The following CRY2 variants were observed in gnomAD, a reference collection of about 807,000 sequenced individuals.
The protein encoded by CRY2 is cryptochrome-2.
A neutral mutation model predicts 69.5 loss-of-function variants in CRY2; 31 were observed. That is an observed-to-expected ratio of 0.45 (90% CI 0.34 to 0.60). The LOEUF is 0.60. Among genes scored for constraint, CRY2 ranks in the 20% least tolerant of loss-of-function variants. The pLI, the probability that CRY2 is intolerant of heterozygous loss-of-function variation, is 0.02. For missense variants in CRY2, 606 were observed against 797.8 expected, an observed-to-expected ratio of 0.76 and a Z score of 2.90; for synonymous variants, 303 against 312.2, an observed-to-expected ratio of 0.97 and a Z score of 0.31.
chr11:45,860,788 G>C, intron 3 of CRY2, 60 bp from the exon 4 acceptor site: 1 of 1,565,852 alleles, frequency 6.4e-7, no homozygotes, highest in Non-Finnish European at 8.7e-7. Context: ...TTTTTGGGTG[G>C]GCAGGGACCC....
In CRY2 at chr11:45,870,842, G is replaced by C; in HGVS notation, c.1550G>C (p.Cys517Ser). The part of the protein sequence containing the change: ...YQQLSRYRGL[C>S]LLASVPSCVE... Reference sequence around the variant, plus strand: ...TGATTACTCCTCGCCTCTCTCCCAGGTCTACTGGCATCTGTCCCTTCCTGT... The same window carrying C: ...TGATTACTCCTCGCCTCTCTCCCAGCTCTACTGGCATCTGTCCCTTCCTGT... Residue 517 changes from cysteine to serine, a missense_variant and splice_region_variant, in exon 10 of 12, where the codon TGT becomes TCT. By Grantham distance (112) the Cys-to-Ser change is moderately radical (BLOSUM62 -1). Around this residue, in one of 5 missense-constraint regions of CRY2, gnomAD observed 173 missense variants for 213.7 expected, o/e 0.81. Transcript: ENST00000616080. 4 of 1,613,158 alleles carry C rather than the reference G, an allele frequency of 2.5e-6. No individual in the cohort carries two copies. Among genetic ancestry groups the C allele is most frequent in the Non-Finnish European group, 3.4e-6 (4 of 1,179,586 alleles).
rs749474362 is a variant in CRY2 at position 45,847,478 on chromosome 11, A to G, written c.-13A>G. The G allele has an allele frequency of 6.2e-7, 1 of 1,601,230 alleles. No homozygotes were observed. Among genetic ancestry groups the G allele is most frequent in the African/African-American group, 1.3e-5 (1 of 74,952 alleles). Reference sequence around the variant, plus strand: ...GGGGCGGAGCGGGGGTGGCTGGAGCAGTCTGGACAGTCATGGCGGCGACTG... The same window carrying G: ...GGGGCGGAGCGGGGGTGGCTGGAGCGGTCTGGACAGTCATGGCGGCGACTG... On this transcript the variant is annotated 5_prime_UTR_variant, in exon 1 of 12. Transcript: ENST00000616080.
chr11:45,852,097 T>C (rs2086202705), intron 1 of CRY2, among the ~76,000 whole-genome samples: 1 of 152,238 alleles, frequency 6.6e-6, no homozygotes, highest in South Asian at 2.1e-4. Flanking sequence ...GAAATCCCAG[T>C]CTGGTTTTCT....
Position 45,872,085 on chromosome 11 carries a change from C to T in CRY2, c.1643-7C>T. On this transcript the variant is annotated splice_polypyrimidine_tract_variant and splice_region_variant and intron_variant, in intron 10 of 11. Coordinates refer to ENST00000616080, the MANE Select transcript of CRY2 (RefSeq NM_021117.5). The stretch of plus-strand genomic sequence containing the variant: ...TCTGTGTGACCCTTTGACACGCTTC[C>T]CTACAGGCCCAAGACCACTACCCAG... The T allele has an allele frequency of 6.2e-7, 1 of 1,613,802 alleles. No individual in the cohort carries two copies. Among genetic ancestry groups the T allele is most frequent in the Non-Finnish European group, 8.5e-7 (1 of 1,179,816 alleles).
intron 2 of CRY2, among the ~76,000 whole-genome samples, chr11:45,856,884 C>T (rs1159974973): frequency 6.6e-6 from 1 of 152,010 alleles, no homozygotes; most frequent in Non-Finnish European, 1.5e-5. Context: ...CATTTTGGTG[C>T]CACATAGGTT....
chr11:45,873,979 A>G (rs2086406364), intron 11 of CRY2, among the ~76,000 whole-genome samples: 1 of 152,232 alleles, frequency 6.6e-6, no homozygotes, highest in Non-Finnish European at 1.5e-5. Flanking sequence ...TGCTGTTGCA[A>G]GAATTAAATG....
chr11:45,879,246 T>G (rs148685611), intron 11 of CRY2, among the ~76,000 whole-genome samples: 108 of 151,770 alleles, frequency 7.1e-4, no homozygotes, highest in African/African-American at 2.5e-3. Flanking sequence ...AAAAAAAGAA[T>G]AAGACACACA....
chr11:45,861,020 C>T lies in CRY2; in HGVS notation c.640C>T (p.Leu214=), dbSNP rs1292590610. The change falls in exon 4 of 12, where the codon CTG becomes TTG. Residue 214 remains leucine, a synonymous_variant. Transcript: ENST00000616080. The part of the protein sequence containing the change: ...NHDETYGVPS[L]EELGFPTEGL... ...CGACGAGACCTACGGCGTGCCCTCC[C>T]TGGAGGAGCTGGGTGCGTACTTCCT... 1 of 1,612,370 alleles carries T rather than the reference C, an allele frequency of 6.2e-7. No homozygotes were observed. The highest frequency in any genetic ancestry group is 1.3e-5 in the African/African-American group (1 of 74,920).
intron 11 of CRY2, among the ~76,000 whole-genome samples, chr11:45,874,947 A>C (rs2086414482): frequency 6.6e-6 from 1 of 152,208 alleles, no homozygotes; most frequent in Admixed American, 6.5e-5. Flanking sequence ...AGTCTCACAA[A>C]AAAAAATTTC....
intron 4 of CRY2, 47 bp from the exon 5 acceptor site, chr11:45,862,013 A>G: frequency 1.3e-6 from 2 of 1,534,304 alleles, no homozygotes; most frequent in Non-Finnish European, 1.8e-6. Context: ...CCGGGCTATC[A>G]CTGAAATGGT....
intron 11 of CRY2, among the ~76,000 whole-genome samples, chr11:45,876,582 T>G (rs1480526495): frequency 1.3e-5 from 2 of 152,200 alleles, no homozygotes; most frequent in Admixed American, 6.5e-5. Flanking sequence ...CGTGTTCCAT[T>G]TGCCCTTCTG....
chr11:45,870,222 G>A lies in CRY2; in HGVS notation c.1346+18G>A, dbSNP rs750467864. The A allele has an allele frequency of 8.1e-6, 13 of 1,609,942 alleles. No individual in the cohort carries two copies. The Admixed American group carries it at 1.5e-4, about 19-fold the overall frequency. On this transcript the variant is annotated intron_variant, in intron 8 of 11. Coordinates refer to ENST00000616080, the MANE Select transcript of CRY2 (RefSeq NM_021117.5). ...TACATCAGGTGAGGATACAGACCAG[G>A]CTCTCTGGCCTCTGACCACTGTGGC...
intron 10 of CRY2, among the ~76,000 whole-genome samples, chr11:45,871,158 C>T (rs1590770818): frequency 1.3e-5 from 2 of 152,238 alleles, no homozygotes; most frequent in East Asian, 1.9e-4. Flanking sequence ...AGGATTTCTT[C>T]TGTGTCACTT....
intron 11 of CRY2, among the ~76,000 whole-genome samples, chr11:45,873,122 G>A (rs1410910398): frequency 6.6e-6 from 1 of 152,230 alleles, no homozygotes; most frequent in Non-Finnish European, 1.5e-5. Context: ...CCTTTCCCAA[G>A]GGAGGAAGGG....
intron 2 of CRY2, chr11:45,858,431 T>G: frequency 3.5e-6 from 1 of 288,128 alleles, no homozygotes. Flanking sequence ...GAGCGTTGTA[T>G]TTATGGCCTC....
chr11:45,860,763 C>T, intron 3 of CRY2, 85 bp from the exon 4 acceptor site: 1 of 1,480,748 alleles, frequency 6.8e-7, no homozygotes, highest in Non-Finnish European at 9.2e-7. Context: ...TCAAAGCCTT[C>T]AGAGTCTGGG....
At chr11:45,872,714 A>C (rs2086395833) in intron 11 of CRY2, among the ~76,000 whole-genome samples, 1 of 152,106 alleles carries the variant, frequency 6.6e-6, no homozygotes, top group Non-Finnish European at 1.5e-5. Flanking sequence ...TTTGCCAGCT[A>C]AGGGAAAAAG....
chr11:45,875,261 AT>A (rs1241786593), intron 11 of CRY2, among the ~76,000 whole-genome samples: 1 of 152,192 alleles, frequency 6.6e-6, no homozygotes, highest in Non-Finnish European at 1.5e-5. Flanking sequence ...AGTAGTTATT[AT>A]TGTAGGTATT....
At chr11:45,857,820 G>C (rs1177041940) in intron 2 of CRY2, among the ~76,000 whole-genome samples, 1 of 152,180 alleles carries the variant, frequency 6.6e-6, no homozygotes, top group South Asian at 2.1e-4. Context: ...TATAGCAAGG[G>C]CTCAATCAAT....
Sources: gnomAD v4.1 joint callset for allele counts (sites outside exome capture counted in the v4.1 genomes callset) on GRCh38, gnomAD v4.1.1 for gene constraint, gnomAD v4.1.1 regional missense constraint, MANE v1.5 for transcripts, NCBI Gene and HGNC (gene_info 2026-07-23, HGNC 2026-07-21) for gene names.